SPOCK3: variants seen among roughly 807,000 people sequenced by gnomAD.
SPOCK3 encodes the protein SPARC (osteonectin), cwcv and kazal like domains proteoglycan 3, also known as testican-3.
SPOCK3 carries 30 observed loss-of-function variants against 56.6 expected under a neutral mutation model. The ratio of observed to expected loss-of-function variants is 0.53; its 90% CI spans 0.40 to 0.72. The LOEUF is 0.72. SPOCK3 is among the 30% of genes least tolerant of loss of function. The pLI, the probability that SPOCK3 is intolerant of heterozygous loss-of-function variation, is 0.00. For synonymous variants in SPOCK3, 196 were observed against 183.3 expected (o/e 1.07, Z -0.56); for missense variants, 527 against 530.0 (o/e 0.99, Z 0.06).
chr4:167,233,266 C>T (rs940625986), intron 2 of SPOCK3, among the ~76,000 whole-genome samples: 2 of 152,146 alleles, frequency 1.3e-5, no homozygotes, highest in Admixed American at 6.5e-5. Flanking sequence ...TCTTAATAAC[C>T]CTTTTGAAAA....
intron 3 of SPOCK3, among the ~76,000 whole-genome samples, chr4:167,001,293 C>T (rs1748929795): frequency 6.6e-6 from 1 of 152,090 alleles, no homozygotes; most frequent in Admixed American, 6.6e-5. Context: ...TTCCCTCTCC[C>T]CTCCAACTAG....
chr4:167,109,069 ATATT>A lies in SPOCK3; in HGVS notation c.190-46536_190-46533del, dbSNP rs1760520023. The stretch of plus-strand genomic sequence containing the variant: ...ATATAAAAATATATATAAATATTAT[ATATT>A]TATATAAAAATATATATAAATATTA... On this transcript the variant is annotated intron_variant, in intron 2 of 10. Coordinates refer to ENST00000357545, the MANE Select transcript of SPOCK3 (RefSeq NM_001040159.2). Among the ~76,000 whole-genome samples, 2 of 57,692 alleles carry A rather than the reference ATATT, an allele frequency of 3.5e-5. 1 individual carries two copies. The highest frequency in any genetic ancestry group is 5.7e-5 in the Non-Finnish European group (2 of 34,990). 37.8% of individuals were successfully genotyped at this position (57,692 alleles called of 152,430 possible).
chr4:167,199,749 C>T (rs1429923533), intron 2 of SPOCK3, among the ~76,000 whole-genome samples: 4 of 147,526 alleles, frequency 2.7e-5, no homozygotes, highest in African/African-American at 9.9e-5. Context: ...CTTTAAGTGC[C>T]AATACAAGTA....
chr4:166,767,628 A>G (rs534242230), intron 7 of SPOCK3, among the ~76,000 whole-genome samples: 23 of 152,358 alleles, frequency 1.5e-4, no homozygotes, highest in Admixed American at 2.6e-4. Flanking sequence ...GAATTTTGGA[A>G]TAAGTGCCAT....
chr4:167,008,992 C>G (rs2150141145), intron 3 of SPOCK3, among the ~76,000 whole-genome samples: 1 of 152,032 alleles, frequency 6.6e-6, no homozygotes. Flanking sequence ...GAATCCATAA[C>G]AATTAAAAAG....
chr4:166,843,241 G>T (rs1013304825), intron 6 of SPOCK3, among the ~76,000 whole-genome samples: 1 of 152,236 alleles, frequency 6.6e-6, no homozygotes, highest in African/African-American at 2.4e-5. Flanking sequence ...CTCCCACAGG[G>T]CAGAGGTGGG....
chr4:166,785,045 G>A (rs1224397259), intron 7 of SPOCK3, among the ~76,000 whole-genome samples: 1 of 152,022 alleles, frequency 6.6e-6, no homozygotes, highest in Non-Finnish European at 1.5e-5. Flanking sequence ...TAAAATCAAG[G>A]TATCTTGATA....
At chr4:167,077,354 A>T (rs1757291900) in intron 2 of SPOCK3, among the ~76,000 whole-genome samples, 1 of 151,766 alleles carries the variant, frequency 6.6e-6, no homozygotes, top group Non-Finnish European at 1.5e-5. Context: ...TCTCTCACCC[A>T]TAACAGAAAA....
intron 3 of SPOCK3, among the ~76,000 whole-genome samples, chr4:167,041,735 A>G (rs2150201993): frequency 6.6e-6 from 1 of 152,278 alleles, no homozygotes; most frequent in Non-Finnish European, 1.5e-5. Flanking sequence ...GTATGTTTCA[A>G]GATAGATGGA....
intron 8 of SPOCK3, among the ~76,000 whole-genome samples, chr4:166,743,085 G>A (rs62352807): frequency 0.24 from 36,599 of 151,850 alleles, 5,342 homozygotes; most frequent in African/African-American, 0.4. Context: ...GATACTAAGA[G>A]ATAACTGTAT....
intron 6 of SPOCK3, among the ~76,000 whole-genome samples, chr4:166,853,249 C>A (rs1270372630): frequency 6.6e-6 from 1 of 152,024 alleles, no homozygotes; most frequent in Non-Finnish European, 1.5e-5. Context: ...AGAACTAAAA[C>A]TGGTAATAGG....
intron 4 of SPOCK3, among the ~76,000 whole-genome samples, chr4:166,963,621 CTTTA>C (rs940391244): frequency 7.6e-4 from 116 of 151,988 alleles, no homozygotes; most frequent in African/African-American, 2.6e-3. Context: ...AAAACTGACA[CTTTA>C]TTTCTTTTTT....
chr4:167,147,511 G>A (rs1764064767), intron 2 of SPOCK3, among the ~76,000 whole-genome samples: 1 of 152,084 alleles, frequency 6.6e-6, no homozygotes, highest in African/African-American at 2.4e-5. Flanking sequence ...ACATGCACAC[G>A]TATGTTTATT....
At chr4:167,170,403 A>G (rs2150464653) in intron 2 of SPOCK3, among the ~76,000 whole-genome samples, 2 of 152,298 alleles carry the variant, frequency 1.3e-5, no homozygotes, top group South Asian at 4.1e-4. Flanking sequence ...ATTGAATAAT[A>G]TTTGCTATAT....
chr4:167,129,598 T>A (rs1024046880), intron 2 of SPOCK3, among the ~76,000 whole-genome samples: 3 of 152,186 alleles, frequency 2.0e-5, no homozygotes, highest in Admixed American at 2.0e-4. Flanking sequence ...TATTTCTTCA[T>A]TTCCTTGTCA....
intron 6 of SPOCK3, chr4:166,883,209 C>T (rs1179652052): frequency 1.3e-5 from 2 of 152,136 alleles, no homozygotes; most frequent in South Asian, 2.1e-4. Flanking sequence ...AACTTATAAT[C>T]ATAGCACAAT....
At chr4:166,940,505 C>G (rs1740928008) in intron 4 of SPOCK3, among the ~76,000 whole-genome samples, 1 of 151,930 alleles carries the variant, frequency 6.6e-6, no homozygotes, top group Non-Finnish European at 1.5e-5. Flanking sequence ...CACTGTAATT[C>G]AGTTCATTCA....
At chr4:166,754,957 AATTAGTC>A (rs965345412) in intron 7 of SPOCK3, among the ~76,000 whole-genome samples, 22 of 152,088 alleles carry the variant, frequency 1.4e-4, no homozygotes, top group Admixed American at 5.3e-4. Flanking sequence ...ATTTGGTACT[AATTAGTC>A]ATTCATTCAA....
chr4:166,776,311 G>A (rs1015509083), intron 7 of SPOCK3, among the ~76,000 whole-genome samples: 6 of 152,118 alleles, frequency 3.9e-5, no homozygotes, highest in Admixed American at 1.3e-4. Flanking sequence ...TACTCAGGAG[G>A]CTGAGGCAGG....
Sources: allele counts gnomAD v4.1 joint callset (sites outside exome capture counted in the v4.1 genomes callset), GRCh38; gene constraint gnomAD v4.1.1; transcripts MANE v1.5; gene names NCBI Gene and HGNC (gene_info 2026-07-23, HGNC 2026-07-21).